GABRG1: variants seen among roughly 807,000 people sequenced by gnomAD.
The protein encoded by GABRG1 is gamma-aminobutyric acid type A receptor subunit gamma1.
In GABRG1, 49 loss-of-function variants were observed where a neutral mutation model predicts 49.8. The ratio of observed to expected loss-of-function variants is 0.98; its 90% CI spans 0.78 to 1.25. The LOEUF is 1.25. Ranked by LOEUF, GABRG1 falls within the 50% of genes most tolerant of loss-of-function variation. The pLI is 0.00. For missense variants in GABRG1, 552 were observed against 552.3 expected (o/e 1.00, Z 0.01); for synonymous variants, 232 against 185.1 (o/e 1.25, Z -2.06).
chr4:46,090,758 G>T (rs1217389724), intron 2 of GABRG1, among the ~76,000 whole-genome samples: 3 of 151,864 alleles, frequency 2.0e-5, no homozygotes, highest in African/African-American at 7.3e-5. Flanking sequence ...TGAAAATGAC[G>T]TGAGTTCTAC....
chr4:46,068,267 T>C (rs1718990208), intron 3 of GABRG1, among the ~76,000 whole-genome samples: 2 of 152,138 alleles, frequency 1.3e-5, no homozygotes, highest in Admixed American at 6.6e-5. Flanking sequence ...CCAGTAAGGA[T>C]TGCGGCTAGG....
intron 1 of GABRG1, among the ~76,000 whole-genome samples, chr4:46,104,843 C>T (rs1236834971): frequency 6.6e-6 from 1 of 151,290 alleles, no homozygotes; most frequent in African/African-American, 2.4e-5. Flanking sequence ...AAAATAGAAG[C>T]CTTAAGTATT....
At position 46,090,544 on chromosome 4, in the gene GABRG1, A is replaced by T. The variant is rs1040124281; in HGVS notation, c.254-6491T>A. 3.3e-5 allele frequency among the ~76,000 whole-genome samples: 5 copies of T among 152,170 alleles called. No homozygotes were observed. The South Asian group carries it at 1.0e-3, about 32-fold the overall frequency. The stretch of plus-strand genomic sequence containing the variant: ...ATATAGTTCTCTATATATAGAGAAA[A>T]CAGACACAAAATAATAATAGTAAAG... On this transcript the variant is annotated intron_variant, in intron 2 of 8. Transcript: ENST00000295452.
intron 5 of GABRG1, among the ~76,000 whole-genome samples, chr4:46,063,140 A>C (rs1718769334): frequency 6.6e-6 from 1 of 151,788 alleles, no homozygotes; most frequent in Non-Finnish European, 1.5e-5. Flanking sequence ...GCTACCAATG[A>C]CTTTCTTCAC....
At position 46,089,874 on chromosome 4, in the gene GABRG1, G is replaced by A. The variant is rs1396693619; in HGVS notation, c.254-5821C>T. Among the ~76,000 whole-genome samples, 3 of 151,994 alleles carry A rather than the reference G, an allele frequency of 2.0e-5. No individual in the cohort carries two copies. In the East Asian group the frequency reaches 5.8e-4, roughly 30 times the overall value. On this transcript the variant is annotated intron_variant, in intron 2 of 8. Transcript: ENST00000295452. ...ATTACTCAGCAGGCTGAGGTGGAGGGATCAGCTAAGCCCCAGGAGGTTGAA... is the reference window on the plus strand; with the variant it reads ...ATTACTCAGCAGGCTGAGGTGGAGGAATCAGCTAAGCCCCAGGAGGTTGAA...
In GABRG1 at chr4:46,044,548, T is replaced by C. The variant is rs566133422; in HGVS notation, c.1132-3294A>G. ...AGGAGCTGCCAATCAGCATTTAGAATTTCTGATCAATTTCTGAAGTACAAA... is the reference window on the plus strand; with the variant it reads ...AGGAGCTGCCAATCAGCATTTAGAACTTCTGATCAATTTCTGAAGTACAAA... On this transcript the variant is annotated intron_variant, in intron 8 of 8. Transcript: ENST00000295452. Among the ~76,000 whole-genome samples, 24 of 152,118 alleles carry C rather than the reference T, an allele frequency of 1.6e-4. No homozygotes were observed. The South Asian group carries it at 4.4e-3, about 28-fold the overall frequency.
rs188377634 is a variant in GABRG1, at chr4:46,118,700, G to A, written c.104+5110C>T. On this transcript the variant is annotated intron_variant, in intron 1 of 8. Coordinates refer to ENST00000295452, the MANE Select transcript of GABRG1 (RefSeq NM_173536.4). ...TTGGTGGAATGAACGGTAGTGCTCA[G>A]TGAGTATTTACTGAATGAATTAATA... Among the ~76,000 whole-genome samples, 1,001 of 151,282 alleles carry A rather than the reference G, an allele frequency of 6.6e-3. 11 individuals are homozygous for A. The highest frequency in any genetic ancestry group is 0.012 in the Non-Finnish European group (792 of 67,422).
chr4:46,049,044 T>C (rs1718114267), intron 8 of GABRG1, among the ~76,000 whole-genome samples: 1 of 151,416 alleles, frequency 6.6e-6, no homozygotes, highest in African/African-American at 2.4e-5. Flanking sequence ...CCCTAAACAT[T>C]TTTTTTAAAG....
intron 1 of GABRG1, among the ~76,000 whole-genome samples, chr4:46,118,253 T>C (rs1056888480): frequency 6.7e-6 from 1 of 149,290 alleles, no homozygotes; most frequent in Admixed American, 6.7e-5. Flanking sequence ...GATCTATCTA[T>C]CTATCTATCT....
intron 3 of GABRG1, among the ~76,000 whole-genome samples, chr4:46,075,323 T>C (rs1336805922): frequency 2.0e-5 from 3 of 152,210 alleles, no homozygotes; most frequent in South Asian, 2.1e-4. Context: ...TTTTTAACTT[T>C]TTTACTTTGA....
rs1717683313 is a variant in GABRG1 at position 46,039,756 on chromosome 4, T to A, written c.*1232A>T. ...CTGATAGATTTTACATCCAGTGAGATGCTAAGAATTTAGAGAGCACTCACA... is the reference window on the plus strand; with the variant it reads ...CTGATAGATTTTACATCCAGTGAGAAGCTAAGAATTTAGAGAGCACTCACA... On this transcript the variant is annotated 3_prime_UTR_variant, in exon 9 of 9. Transcript: ENST00000295452. 1 of 151,668 alleles carries A rather than the reference T, an allele frequency of 6.6e-6. No individual in the cohort carries two copies. Among genetic ancestry groups the A allele is most frequent in the African/African-American group, 2.4e-5 (1 of 41,372 alleles). The allele number at this position is 151,668 out of a possible 1,614,324, so 9.4% of individuals were successfully genotyped here.
At chr4:46,075,335 C>T (rs1231334037) in intron 3 of GABRG1, among the ~76,000 whole-genome samples, 2 of 151,958 alleles carry the variant, frequency 1.3e-5, no homozygotes, top group Non-Finnish European at 2.9e-5. Context: ...TTACTTTGAA[C>T]ATTTTATTTT....
At chr4:46,083,448 T>C (rs912051596) in intron 3 of GABRG1, among the ~76,000 whole-genome samples, 3 of 151,750 alleles carry the variant, frequency 2.0e-5, no homozygotes, top group African/African-American at 7.2e-5. Context: ...ATACAATTTA[T>C]ACATAATACA....
chr4:46,042,109 G>C (rs540046044), intron 8 of GABRG1, among the ~76,000 whole-genome samples: 14 of 151,496 alleles, frequency 9.2e-5, no homozygotes, highest in African/African-American at 2.9e-4. Flanking sequence ...AGGTTTGCTT[G>C]ATTATTAAAT....
chr4:46,058,663 G>C, intron 5 of GABRG1, 41 bp from the exon 6 acceptor site: 1 of 1,522,632 alleles, frequency 6.6e-7, no homozygotes. Flanking sequence ...ATCCAAATTT[G>C]ATACCATTGC....
intron 1 of GABRG1, among the ~76,000 whole-genome samples, chr4:46,104,497 C>T (rs1426563333): frequency 6.6e-6 from 1 of 151,440 alleles, no homozygotes; most frequent in Non-Finnish European, 1.5e-5. Context: ...CCTTGAATGA[C>T]ACAACGTTAC....
chr4:46,071,502 G>T (rs1719121503), intron 3 of GABRG1, among the ~76,000 whole-genome samples: 1 of 150,424 alleles, frequency 6.6e-6, no homozygotes, highest in Non-Finnish European at 1.5e-5. Flanking sequence ...ATATGTATAT[G>T]TACCATTATA....
intron 1 of GABRG1, among the ~76,000 whole-genome samples, chr4:46,100,436 T>A (rs1428821809): frequency 2.0e-5 from 3 of 150,042 alleles, no homozygotes; most frequent in African/African-American, 7.4e-5. Context: ...CAAGTTTACT[T>A]AACAAACCTT....
chr4:46,084,611 C>T (rs1221357973), intron 2 of GABRG1, among the ~76,000 whole-genome samples: 1 of 151,560 alleles, frequency 6.6e-6, no homozygotes, highest in African/African-American at 2.4e-5. Flanking sequence ...TTACCCCTTG[C>T]AATTAAAAAT....
Sources: allele counts gnomAD v4.1 joint callset (sites outside exome capture counted in the v4.1 genomes callset), GRCh38; gene constraint gnomAD v4.1.1; transcripts MANE v1.5; gene names NCBI Gene and HGNC (gene_info 2026-07-23, HGNC 2026-07-21).